GLCE: variants seen among roughly 807,000 people sequenced by gnomAD.
GLCE encodes the protein D-glucuronyl C5-epimerase.
In GLCE, 19 loss-of-function variants were observed where a neutral mutation model predicts 47.9. The observed-to-expected ratio is 0.40, with a 90% CI of 0.28 to 0.58. GLCE has a LOEUF of 0.58. Among genes scored for constraint, GLCE ranks in the 20% least tolerant of loss-of-function variants. GLCE has a pLI of 0.48. For missense variants in GLCE, 556 were observed against 743.3 expected, an observed-to-expected ratio of 0.75 and a Z score of 2.93; for synonymous variants, 245 against 263.4, an observed-to-expected ratio of 0.93 and a Z score of 0.68.
chr15:69,239,040 A>C (rs2052630477), intron 2 of GLCE, among the ~76,000 whole-genome samples: 1 of 152,160 alleles, frequency 6.6e-6, no homozygotes, highest in Admixed American at 6.5e-5. Context: ...GGTATGACAG[A>C]GACTGTGGGT....
chr15:69,174,593 A>G (rs1023921887), intron 1 of GLCE, among the ~76,000 whole-genome samples: 1 of 152,156 alleles, frequency 6.6e-6, no homozygotes, highest in East Asian at 1.9e-4. Context: ...CTGGGCGACA[A>G]GAGTGAAACT....
chr15:69,252,728 A>G (rs2052862887), intron 2 of GLCE, among the ~76,000 whole-genome samples: 1 of 152,172 alleles, frequency 6.6e-6, no homozygotes, highest in African/African-American at 2.4e-5. Flanking sequence ...GGCGTAGCTG[A>G]CAGATTACTC....
At chr15:69,209,666 C>T (rs182750985) in intron 1 of GLCE, among the ~76,000 whole-genome samples, 1 of 152,192 alleles carries the variant, frequency 6.6e-6, no homozygotes, top group Admixed American at 6.5e-5. Context: ...GTGTTGCTCT[C>T]CCATGTTCCT....
intron 1 of GLCE, among the ~76,000 whole-genome samples, chr15:69,209,619 C>T (rs1023109989): frequency 9.2e-5 from 14 of 152,100 alleles, no homozygotes; most frequent in African/African-American, 2.7e-4. Flanking sequence ...ATGTGCCACT[C>T]GAGGGTGAGT....
chr15:69,214,241 T>A (rs1453557588), intron 2 of GLCE, among the ~76,000 whole-genome samples: 1 of 152,230 alleles, frequency 6.6e-6, no homozygotes, highest in South Asian at 2.1e-4. Flanking sequence ...AGGAAATGTA[T>A]ACTGATATGG....
At position 69,255,821 on chromosome 15, in the gene GLCE, A is replaced by G. The variant is rs773019085; in HGVS notation, c.15A>G (p.Ala5=). 6.2e-7 allele frequency: 1 copy of G among 1,609,156 alleles called. No individual in the cohort carries two copies. ...ATGGTCTGAATATGCGTTGCTTGGC[A>G]GCTCGGGTCAACTATAAGACTTTGA... The part of the protein sequence containing the change: MRCL[A]ARVNYKTLII... Residue 5 remains alanine, a synonymous_variant, in exon 3 of 5, where the codon GCA becomes GCG. Transcript: ENST00000261858.
chr15:69,175,322 A>G (rs559505780), intron 1 of GLCE, among the ~76,000 whole-genome samples: 1 of 152,286 alleles, frequency 6.6e-6, no homozygotes, highest in African/African-American at 2.4e-5. Flanking sequence ...TTGTTTTTCA[A>G]TGCATATGCC....
intron 4 of GLCE, among the ~76,000 whole-genome samples, chr15:69,263,502 A>C (rs962490738): frequency 2.0e-5 from 3 of 152,012 alleles, no homozygotes; most frequent in African/African-American, 7.3e-5. Context: ...GAAGAGGCAT[A>C]TAATATGGGT....
intron 1 of GLCE, among the ~76,000 whole-genome samples, chr15:69,166,305 C>G (rs1214834920): frequency 2.0e-5 from 3 of 152,160 alleles, no homozygotes; most frequent in Admixed American, 6.5e-5. Flanking sequence ...CTGACTGTCT[C>G]CAGACTCTAT....
chr15:69,212,620 A>G (rs938059788), intron 2 of GLCE, among the ~76,000 whole-genome samples: 1 of 152,012 alleles, frequency 6.6e-6, no homozygotes, highest in African/African-American at 2.4e-5. Flanking sequence ...CTTGATTTGG[A>G]ATTTTCTCTG....
At position 69,268,822 on chromosome 15, in the gene GLCE, A is replaced by G. The variant is rs777320646; in HGVS notation, c.1432A>G (p.Lys478Glu). ...AGCTTTAAGGGCAACAGCCCCTTAT[A>G]AGTTTCTATCTGAGCAGCATGGAGT... ...NSALRATAPY[K>E]FLSEQHGVKA... The change falls in exon 5 of 5, where the codon AAG becomes GAG. Residue 478 changes from lysine (K) to glutamate (E), a missense_variant. Physicochemically the swap from Lys to Glu is moderately conservative, Grantham distance 56 (BLOSUM62 1). Coordinates refer to ENST00000261858, the MANE Select transcript of GLCE (RefSeq NM_015554.3). The G allele has an allele frequency of 2.5e-6, 4 of 1,614,214 alleles. No individual in the cohort carries two copies. In the South Asian group the frequency reaches 3.3e-5, roughly 13 times the overall value.
At chr15:69,224,773 A>G (rs2052422829) in intron 2 of GLCE, among the ~76,000 whole-genome samples, 1 of 152,210 alleles carries the variant, frequency 6.6e-6, no homozygotes, top group African/African-American at 2.4e-5. Flanking sequence ...ACCCAAATTA[A>G]TGCACTTTAT....
At position 69,268,536 on chromosome 15, in the gene GLCE, G is replaced by A. The variant is rs376812069; in HGVS notation, c.1146G>A (p.Arg382=). The A allele has an allele frequency of 7.4e-6, 12 of 1,614,182 alleles. No homozygotes were observed. The highest frequency in any genetic ancestry group is 9.3e-6 in the Non-Finnish European group (11 of 1,180,026). The change falls in exon 5 of 5, where the codon AGG becomes AGA. Residue 382 remains arginine, a synonymous_variant. Transcript: ENST00000261858. The part of the protein sequence containing the change: ...PTKIMPKKVV[R]LIAKGKGFLD... ...AAATAATGCCCAAGAAGGTGGTTAG[G>A]TTGATTGCAAAAGGTAAGGGATTCC...
chr15:69,165,871 G>C (rs2051494690), intron 1 of GLCE, among the ~76,000 whole-genome samples: 1 of 152,100 alleles, frequency 6.6e-6, no homozygotes, highest in African/African-American at 2.4e-5. Context: ...TAAAATTTGG[G>C]AGTTTCTAAA....
Position 69,188,673 on chromosome 15 carries a change from G to C in GLCE, c.-104-21643G>C, listed in dbSNP as rs375561550. Among the ~76,000 whole-genome samples the C allele has an allele frequency of 8.5e-5, 13 of 152,188 alleles. No homozygotes were observed. In the East Asian group the frequency reaches 1.9e-3, roughly 23 times the overall value. On this transcript the variant is annotated intron_variant, in intron 1 of 4. Coordinates refer to ENST00000261858, the MANE Select transcript of GLCE (RefSeq NM_015554.3). ...CATGGAATTTGTCTGTTTCATCTAA[G>C]TTGTTAAATCTATTGACATCAAGTT...
chr15:69,176,370 G>A (rs2051665846), intron 1 of GLCE, among the ~76,000 whole-genome samples: 2 of 151,280 alleles, frequency 1.3e-5, no homozygotes, highest in Middle Eastern at 3.4e-3. Context: ...ACTGCAGGTG[G>A]GCAATACCAC....
chr15:69,201,962 A>C (rs2052081396), intron 1 of GLCE, among the ~76,000 whole-genome samples: 1 of 152,014 alleles, frequency 6.6e-6, no homozygotes, highest in Non-Finnish European at 1.5e-5. Flanking sequence ...TCTGTCACCC[A>C]GGCTGGAGTG....
chr15:69,199,503 A>G (rs1027949690), intron 1 of GLCE, among the ~76,000 whole-genome samples: 3 of 152,168 alleles, frequency 2.0e-5, no homozygotes, highest in African/African-American at 4.8e-5. Context: ...ATGGATTTCA[A>G]TTTTTTTGCA....
chr15:69,222,579 C>G (rs1443318736), intron 2 of GLCE, among the ~76,000 whole-genome samples: 6 of 152,166 alleles, frequency 3.9e-5, no homozygotes, highest in Admixed American at 3.3e-4. Flanking sequence ...CTTGGCAACC[C>G]TGTGTGGGGT....
Sources: allele counts gnomAD v4.1 joint callset (sites outside exome capture counted in the v4.1 genomes callset), GRCh38; gene constraint gnomAD v4.1.1; transcripts MANE v1.5; gene names NCBI Gene and HGNC (gene_info 2026-07-23, HGNC 2026-07-21).